The following KCNMB2 variants were observed in gnomAD, a reference collection of about 807,000 sequenced individuals.
KCNMB2 encodes the protein calcium-activated potassium channel subunit beta-2.
KCNMB2 carries 9 observed loss-of-function variants against 24.5 expected under a neutral mutation model. The ratio of observed to expected loss-of-function variants is 0.37; its 90% confidence interval spans 0.22 to 0.64. The LOEUF (loss-of-function observed/expected upper bound fraction) is 0.64, where lower values mean the gene tolerates loss of function less well. KCNMB2 is among the 30% of genes least tolerant of loss of function. The pLI, the probability that KCNMB2 is intolerant of heterozygous loss-of-function variation, is 0.63. For missense variants in KCNMB2, 226 were observed against 284.3 expected (o/e 0.79, Z 1.47); for synonymous variants, 109 against 104.4 (o/e 1.04, Z -0.27).
chr3:178,659,364 G>T (rs748520854), intron 1 of KCNMB2, among the ~76,000 whole-genome samples: 1 of 152,190 alleles, frequency 6.6e-6, no homozygotes, highest in Non-Finnish European at 1.5e-5. Context: ...TATTAATATT[G>T]TGAAGCTGGA....
In KCNMB2 at chr3:178,726,787, T is replaced by C. The variant is rs566582224; in HGVS notation, c.-67-80556T>C. On this transcript the variant is annotated intron_variant, in intron 1 of 4. Coordinates refer to ENST00000452583, the MANE Select transcript of KCNMB2 (RefSeq NM_181361.3). ...AAGTTTCTATAGCAAACATAAAATG[T>C]TTACTTATGATAATATGAGACATTG... Among the ~76,000 whole-genome samples the C allele has an allele frequency of 5.6e-4, 85 of 152,104 alleles. 3 individuals carry two copies. The highest frequency in any genetic ancestry group is 2.1e-4 in the South Asian group (1 of 4,832).
intron 1 of KCNMB2, among the ~76,000 whole-genome samples, chr3:178,582,490 C>T (rs1012691268): frequency 1.3e-5 from 2 of 152,038 alleles, no homozygotes; most frequent in African/African-American, 4.8e-5. Context: ...GCAAATGTAT[C>T]CCAGAACTTA....
intron 1 of KCNMB2, among the ~76,000 whole-genome samples, chr3:178,713,355 G>A (rs1213081051): frequency 3.9e-5 from 6 of 152,148 alleles, no homozygotes; most frequent in East Asian, 3.8e-4. Flanking sequence ...AACAAAACCA[G>A]CTCTGTAAAG....
intron 1 of KCNMB2, among the ~76,000 whole-genome samples, chr3:178,766,106 T>C (rs1712108072): frequency 6.6e-6 from 1 of 152,102 alleles, no homozygotes; most frequent in Admixed American, 6.6e-5. Flanking sequence ...AAGACCCACC[T>C]CAAATCCCAC....
chr3:178,571,022 G>GTAAA (rs1170418766), intron 1 of KCNMB2, among the ~76,000 whole-genome samples: 1 of 152,152 alleles, frequency 6.6e-6, no homozygotes, highest in African/African-American at 2.4e-5. Flanking sequence ...ACATTCTGAT[G>GTAAA]TAAACATTTT....
At chr3:178,718,173 T>C (rs111314161) in intron 1 of KCNMB2, among the ~76,000 whole-genome samples, 103 of 152,372 alleles carry the variant, frequency 6.8e-4, no homozygotes, top group Admixed American at 1.6e-3. Flanking sequence ...CCTTCTGTGA[T>C]AGAAGTAGAT....
chr3:178,773,756 T>G (rs1410703190), intron 1 of KCNMB2, among the ~76,000 whole-genome samples: 2 of 152,310 alleles, frequency 1.3e-5, no homozygotes, highest in East Asian at 3.9e-4. Flanking sequence ...GAGCTCTCTA[T>G]CCTGCCAGTT....
intron 1 of KCNMB2, among the ~76,000 whole-genome samples, chr3:178,760,377 A>T (rs890109193): frequency 7.4e-6 from 1 of 134,694 alleles, no homozygotes; most frequent in East Asian, 2.2e-4. Flanking sequence ...CAAGATATAT[A>T]TATTATATAT....
chr3:178,605,713 T>C (rs1446332560), intron 1 of KCNMB2, among the ~76,000 whole-genome samples: 4 of 152,180 alleles, frequency 2.6e-5, no homozygotes, highest in African/African-American at 9.6e-5. Flanking sequence ...ATCTTTTTTA[T>C]AAAGTGGCAA....
chr3:178,659,085 G>A (rs562668017), intron 1 of KCNMB2, among the ~76,000 whole-genome samples: 7 of 152,312 alleles, frequency 4.6e-5, no homozygotes, highest in African/African-American at 9.6e-5. Context: ...AGGAGCTTTC[G>A]CAAAGCAATC....
intron 1 of KCNMB2, among the ~76,000 whole-genome samples, chr3:178,566,880 C>G (rs1472174188): frequency 6.6e-6 from 1 of 152,130 alleles, no homozygotes; most frequent in African/African-American, 2.4e-5. Context: ...AATGGCTACC[C>G]AGGAAATATT....
intron 1 of KCNMB2, among the ~76,000 whole-genome samples, chr3:178,590,481 T>C (rs1455288163): frequency 1.3e-5 from 2 of 152,214 alleles, no homozygotes; most frequent in East Asian, 1.9e-4. Flanking sequence ...TATAACATAA[T>C]TGCATTAACT....
chr3:178,788,444 T>G (rs1713194147), intron 1 of KCNMB2, among the ~76,000 whole-genome samples: 1 of 152,140 alleles, frequency 6.6e-6, no homozygotes, highest in African/African-American at 2.4e-5. Flanking sequence ...GCTTTATGTA[T>G]CAGTATGGCC....
chr3:178,550,043 G>A (rs1715896827), intron 1 of KCNMB2, among the ~76,000 whole-genome samples: 1 of 152,000 alleles, frequency 6.6e-6, no homozygotes, highest in Admixed American at 6.5e-5. Context: ...GTGTTATGTT[G>A]GCTATATAAG....
At position 178,652,373 on chromosome 3, in the gene KCNMB2, A is replaced by G. The variant is rs1320149464; in HGVS notation, c.-68+115662A>G. 3.3e-5 allele frequency among the ~76,000 whole-genome samples: 5 copies of G among 152,212 alleles called. No individual in the cohort carries two copies. The South Asian group carries it at 6.2e-4, about 19-fold the overall frequency. On this transcript the variant is annotated intron_variant, in intron 1 of 4. Transcript: ENST00000452583. ...AGGAGAAATACCTAATGTAGGTGAC[A>G]GGTTGATGGGTGCAGCAAACCATCA...
intron 1 of KCNMB2, among the ~76,000 whole-genome samples, chr3:178,739,764 G>C (rs1723434161): frequency 6.6e-6 from 1 of 152,184 alleles, no homozygotes; most frequent in African/African-American, 2.4e-5. Context: ...AAAGGTGAGA[G>C]GTGGTGCAAG....
At chr3:178,815,027 T>C (rs986674095) in intron 2 of KCNMB2, among the ~76,000 whole-genome samples, 15 of 136,802 alleles carry the variant, frequency 1.1e-4, no homozygotes, top group African/African-American at 4.3e-4. Context: ...TTGAGCACTG[T>C]CTTTTTTTTT....
chr3:178,734,352 T>A (rs913311471), intron 1 of KCNMB2, among the ~76,000 whole-genome samples: 20 of 152,208 alleles, frequency 1.3e-4, no homozygotes, highest in Non-Finnish European at 1.2e-4. Context: ...GACTTTCAGA[T>A]TAAGGATGCT....
intron 1 of KCNMB2, among the ~76,000 whole-genome samples, chr3:178,625,583 T>C (rs942871526): frequency 4.6e-5 from 7 of 152,060 alleles, no homozygotes; most frequent in African/African-American, 1.7e-4. Flanking sequence ...AGAACAGAGA[T>C]TGCCACAAAT....
Sources: allele counts gnomAD v4.1 joint callset (sites outside exome capture counted in the v4.1 genomes callset), GRCh38; gene constraint gnomAD v4.1.1; transcripts MANE v1.5; gene names NCBI Gene and HGNC (gene_info 2026-07-23, HGNC 2026-07-21).